PRKCA: variants seen among roughly 807,000 people sequenced by gnomAD.
PRKCA encodes protein kinase C alpha, also known as protein kinase C alpha type.
Under a neutral mutation model 87.0 loss-of-function variants are expected in PRKCA, and 27 were observed. The ratio of observed to expected loss-of-function variants is 0.31; its 90% CI spans 0.23 to 0.43. The LOEUF is 0.43. Among genes scored for constraint, PRKCA ranks in the 20% least tolerant of loss-of-function variants. The probability of loss-of-function intolerance (pLI) is 1.00; values close to 1 mark genes in which losing one functional copy is unlikely to be tolerated. For missense variants in PRKCA, 518 were observed against 852.3 expected, an observed-to-expected ratio of 0.61 and a Z score of 4.88; for synonymous variants, 329 against 311.1, an observed-to-expected ratio of 1.06 and a Z score of -0.61.
intron 3 of PRKCA, among the ~76,000 whole-genome samples, chr17:66,577,371 A>T (rs965093620): frequency 2.6e-5 from 4 of 152,018 alleles, no homozygotes; most frequent in South Asian, 2.1e-4. Flanking sequence ...GAGAGGTGCG[A>T]GCTCCCTTTC....
intron 2 of PRKCA, among the ~76,000 whole-genome samples, chr17:66,356,322 A>G (rs951862154): frequency 6.6e-6 from 1 of 152,106 alleles, no homozygotes; most frequent in Non-Finnish European, 1.5e-5. Flanking sequence ...TTTAAAAGAC[A>G]CCAACATTAT....
chr17:66,356,925 G>A (rs1293583211), intron 2 of PRKCA, among the ~76,000 whole-genome samples: 1 of 152,018 alleles, frequency 6.6e-6, no homozygotes, highest in African/African-American at 2.4e-5. Context: ...GCTATTTATT[G>A]ATTTTTTACT....
chr17:66,451,342 G>GAATTAATT (rs561215714), intron 2 of PRKCA, among the ~76,000 whole-genome samples: 1,492 of 130,686 alleles, frequency 0.011, 20 homozygotes, highest in African/African-American at 0.036. Flanking sequence ...TACGGAGTTA[G>GAATTAATT]AATTTATTTA....
intron 2 of PRKCA, among the ~76,000 whole-genome samples, chr17:66,491,409 C>T (rs377697920): frequency 6.6e-6 from 1 of 152,330 alleles, no homozygotes; most frequent in South Asian, 2.1e-4. Context: ...GGGGCCCCCA[C>T]GACAATCATC....
intron 2 of PRKCA, chr17:66,414,884 G>C (rs1481911499): frequency 1.3e-5 from 2 of 152,080 alleles, no homozygotes; most frequent in Non-Finnish European, 2.9e-5. Flanking sequence ...TGTTTTTAAA[G>C]ACTAGTTTAG....
intron 3 of PRKCA, among the ~76,000 whole-genome samples, chr17:66,549,504 G>C (rs751745007): frequency 2.6e-4 from 39 of 152,162 alleles, no homozygotes; most frequent in Non-Finnish European, 4.6e-4. Context: ...ACCTCTCCAG[G>C]CCACGGGACG....
chr17:66,544,678 C>T (rs1234733822), intron 3 of PRKCA, among the ~76,000 whole-genome samples: 1 of 152,096 alleles, frequency 6.6e-6, no homozygotes, highest in African/African-American at 2.4e-5. Flanking sequence ...CTGCAACCTC[C>T]ACCTCCCAGG....
intron 2 of PRKCA, among the ~76,000 whole-genome samples, chr17:66,320,388 TAA>T (rs67339544): frequency 0.016 from 2,238 of 141,936 alleles, 43 homozygotes; most frequent in African/African-American, 0.05. Context: ...TTTTTTTTTT[TAA>T]AAAAAGAAAG....
Position 66,664,114 on chromosome 17 carries a change from C to T in PRKCA, c.529+18603C>T, listed in dbSNP as rs372878458. The stretch of plus-strand genomic sequence containing the variant: ...AACTCCTGGCCTCAAGTGATCCACC[C>T]GCCTCGGGCTCCCAAAGTGCCGGGT... On this transcript the variant is annotated intron_variant, in intron 5 of 16. Transcript: ENST00000413366. Among the ~76,000 whole-genome samples the T allele has an allele frequency of 5.3e-5, 8 of 152,132 alleles. No individual in the cohort carries two copies. The East Asian group carries it at 5.8e-4, about 11-fold the overall frequency.
At chr17:66,376,929 C>T (rs977035149) in intron 2 of PRKCA, among the ~76,000 whole-genome samples, 2 of 152,184 alleles carry the variant, frequency 1.3e-5, no homozygotes, top group African/African-American at 4.8e-5. Flanking sequence ...CCCTGCATGA[C>T]TGAGGCAGAG....
chr17:66,806,365 T>C lies in PRKCA; in HGVS notation c.*2328T>C, dbSNP rs536756535. 6.6e-6 allele frequency: 1 copy of C among 152,248 alleles called. No individual in the cohort carries two copies. Among genetic ancestry groups the C allele is most frequent in the African/African-American group, 2.4e-5 (1 of 41,520 alleles). The allele number at this position is 152,248 out of a possible 1,614,324, so 9.4% of individuals were successfully genotyped here. ...GGCCCGGCCAGAAAAGAACCATTTCTTCTGCCATCTTTTATGCACCATAGA... is the reference window on the plus strand; with the variant it reads ...GGCCCGGCCAGAAAAGAACCATTTCCTCTGCCATCTTTTATGCACCATAGA... On this transcript the variant is annotated 3_prime_UTR_variant, in exon 17 of 17. Transcript: ENST00000413366.
intron 2 of PRKCA, among the ~76,000 whole-genome samples, chr17:66,413,458 A>G (rs1421000380): frequency 2.6e-5 from 4 of 152,048 alleles, no homozygotes; most frequent in Admixed American, 6.6e-5. Flanking sequence ...GATCAATTCA[A>G]CCCGCAGCCT....
At chr17:66,766,621 A>G (rs1205167415) in intron 13 of PRKCA, among the ~76,000 whole-genome samples, 1 of 152,118 alleles carries the variant, frequency 6.6e-6, no homozygotes, top group Non-Finnish European at 1.5e-5. Context: ...CAGTCTGGGC[A>G]ACATGGCAAA....
intron 2 of PRKCA, among the ~76,000 whole-genome samples, chr17:66,458,445 G>A (rs939063619): frequency 2.6e-5 from 4 of 151,738 alleles, no homozygotes; most frequent in African/African-American, 4.8e-5. Flanking sequence ...GTGCCTTGAA[G>A]ATCCTTTCAG....
chr17:66,308,339 G>T (rs1366281884), intron 2 of PRKCA, among the ~76,000 whole-genome samples: 1 of 151,998 alleles, frequency 6.6e-6, no homozygotes, highest in African/African-American at 2.4e-5. Flanking sequence ...CAATCTGGTA[G>T]GTGAAAAGGG....
intron 10 of PRKCA, among the ~76,000 whole-genome samples, chr17:66,735,961 C>T (rs1346557158): frequency 4.8e-5 from 7 of 147,234 alleles, no homozygotes; most frequent in Non-Finnish European, 1.0e-4. Context: ...CACTCTCTCG[C>T]CCAGGCTAGA....
intron 3 of PRKCA, among the ~76,000 whole-genome samples, chr17:66,629,002 C>T (rs1189426229): frequency 5.9e-5 from 9 of 152,146 alleles, no homozygotes; most frequent in Admixed American, 2.0e-4. Context: ...GCACTCCAGC[C>T]TGGGCAACAA....
intron 2 of PRKCA, among the ~76,000 whole-genome samples, chr17:66,316,068 A>G (rs1340024192): frequency 6.6e-6 from 1 of 152,188 alleles, no homozygotes; most frequent in Non-Finnish European, 1.5e-5. Context: ...GGTTGCTAGA[A>G]TTTCCTTTGA....
At chr17:66,524,726 C>T (rs1157644586) in intron 3 of PRKCA, among the ~76,000 whole-genome samples, 1 of 152,208 alleles carries the variant, frequency 6.6e-6, no homozygotes, top group Admixed American at 6.5e-5. Flanking sequence ...GCTTAGGTTA[C>T]AGTGCCATTG....
Sources: gnomAD v4.1 joint callset for allele counts (sites outside exome capture counted in the v4.1 genomes callset) on GRCh38, gnomAD v4.1.1 for gene constraint, MANE v1.5 for transcripts, NCBI Gene and HGNC (gene_info 2026-07-23, HGNC 2026-07-21) for gene names.